UNC5D: variants seen among roughly 807,000 people sequenced by gnomAD.
UNC5D encodes the protein netrin receptor UNC5D.
In UNC5D, 39 loss-of-function variants were observed where a neutral mutation model predicts 105.4. The ratio of observed to expected loss-of-function variants is 0.37; its 90% confidence interval spans 0.29 to 0.48. The LOEUF (loss-of-function observed/expected upper bound fraction) is 0.48. UNC5D is among the 20% of genes least tolerant of loss of function. The pLI is 0.98. For missense variants in UNC5D, 991 were observed against 1,202.4 expected (o/e 0.82, Z 2.60); for synonymous variants, 452 against 450.4 (o/e 1.00, Z -0.04).
chr8:35,482,918 G>T (rs1046950403), intron 1 of UNC5D, among the ~76,000 whole-genome samples: 4 of 145,226 alleles, frequency 2.8e-5, no homozygotes, highest in African/African-American at 1.0e-4. Flanking sequence ...TTCTCCTGCC[G>T]TGGCCCCCCG....
intron 1 of UNC5D, among the ~76,000 whole-genome samples, chr8:35,418,982 C>T (rs1394646844): frequency 1.3e-5 from 2 of 152,162 alleles, no homozygotes; most frequent in East Asian, 3.9e-4. Context: ...CACTGGGACC[C>T]TGAGAATTTG....
At chr8:35,753,444 T>C (rs1830378954) in intron 13 of UNC5D, among the ~76,000 whole-genome samples, 1 of 152,048 alleles carries the variant, frequency 6.6e-6, no homozygotes, top group Non-Finnish European at 1.5e-5. Flanking sequence ...AATTTTTTTG[T>C]ATTTTTAGTA....
At chr8:35,262,340 G>C (rs905806131) in intron 1 of UNC5D, among the ~76,000 whole-genome samples, 2 of 152,132 alleles carry the variant, frequency 1.3e-5, no homozygotes, top group Non-Finnish European at 2.9e-5. Flanking sequence ...ATGGTCGGCC[G>C]AATAGATATT....
At chr8:35,345,138 C>A (rs1811715802) in intron 1 of UNC5D, among the ~76,000 whole-genome samples, 1 of 152,010 alleles carries the variant, frequency 6.6e-6, no homozygotes. Context: ...CCTAAAAATA[C>A]ACTTTTCTCC....
intron 3 of UNC5D, among the ~76,000 whole-genome samples, chr8:35,576,371 GATT>G (rs1456152740): frequency 6.6e-6 from 1 of 152,166 alleles, no homozygotes; most frequent in African/African-American, 2.4e-5. Flanking sequence ...ATTGGGACAG[GATT>G]ATTCTGTTTT....
chr8:35,706,783 G>A (rs1180538003), intron 8 of UNC5D, among the ~76,000 whole-genome samples: 1 of 152,140 alleles, frequency 6.6e-6, no homozygotes, highest in Non-Finnish European at 1.5e-5. Context: ...TCAGAGTGTG[G>A]CTGGAGCTTG....
chr8:35,631,348 G>T (rs1267721076), intron 4 of UNC5D, among the ~76,000 whole-genome samples: 2 of 151,768 alleles, frequency 1.3e-5, no homozygotes, highest in Non-Finnish European at 2.9e-5. Flanking sequence ...TGACTGCTTT[G>T]TTTTATAGAA....
Position 35,368,063 on chromosome 8 carries a change from G to C in UNC5D, c.103+132176G>C, listed in dbSNP as rs147929683. ...GGAAAGCGCATGGTGAAGCAAAACA[G>C]GTCAAATTATGTCCACTAAGTGACA... On this transcript the variant is annotated intron_variant, in intron 1 of 16. Transcript: ENST00000404895. Among the ~76,000 whole-genome samples, 935 of 152,226 alleles carry C rather than the reference G, an allele frequency of 6.1e-3. 4 individuals carry two copies. Among genetic ancestry groups the C allele is most frequent in the Non-Finnish European group, 7.8e-3 (527 of 67,998 alleles).
At chr8:35,744,984 C>T (rs1221597016) in intron 11 of UNC5D, among the ~76,000 whole-genome samples, 2 of 151,694 alleles carry the variant, frequency 1.3e-5, no homozygotes, top group African/African-American at 4.8e-5. Flanking sequence ...ACCTAGGAGA[C>T]GGAGGTTGCA....
intron 14 of UNC5D, among the ~76,000 whole-genome samples, chr8:35,763,450 T>A (rs948629481): frequency 6.6e-6 from 1 of 151,052 alleles, no homozygotes; most frequent in Admixed American, 6.6e-5. Context: ...CAGTGCCTTT[T>A]TTTTTTTTTT....
At chr8:35,597,675 T>C (rs1326223051) in intron 4 of UNC5D, among the ~76,000 whole-genome samples, 1 of 152,164 alleles carries the variant, frequency 6.6e-6, no homozygotes, top group Non-Finnish European at 1.5e-5. Flanking sequence ...CTGTAGGAAC[T>C]TCGCATACTC....
intron 4 of UNC5D, among the ~76,000 whole-genome samples, chr8:35,598,864 C>A (rs115817192): frequency 3.3e-5 from 5 of 151,988 alleles, no homozygotes; most frequent in African/African-American, 1.2e-4. Flanking sequence ...TGAAGTTGGC[C>A]GGGTGCAATG....
chr8:35,324,924 A>G (rs571269784), intron 1 of UNC5D, among the ~76,000 whole-genome samples: 2 of 152,240 alleles, frequency 1.3e-5, no homozygotes, highest in East Asian at 3.9e-4. Context: ...GCGTGAGGAG[A>G]GACTGGCAAC....
At chr8:35,251,662 G>T (rs1337588894) in intron 1 of UNC5D, among the ~76,000 whole-genome samples, 3 of 152,180 alleles carry the variant, frequency 2.0e-5, no homozygotes, top group Non-Finnish European at 2.9e-5. Context: ...GTTAGAGATT[G>T]TGCCATGTTT....
chr8:35,503,504 A>T (rs1812102310), intron 1 of UNC5D, among the ~76,000 whole-genome samples: 1 of 152,122 alleles, frequency 6.6e-6, no homozygotes, highest in African/African-American at 2.4e-5. Flanking sequence ...GAATTATGGG[A>T]GTTACAATTC....
At chr8:35,320,922 G>A (rs1809693460) in intron 1 of UNC5D, among the ~76,000 whole-genome samples, 1 of 152,156 alleles carries the variant, frequency 6.6e-6, no homozygotes, top group Non-Finnish European at 1.5e-5. Context: ...GTAAACCAAT[G>A]AGAATTCTTG....
intron 1 of UNC5D, among the ~76,000 whole-genome samples, chr8:35,443,683 A>G (rs1199954462): frequency 6.6e-6 from 1 of 151,946 alleles, no homozygotes. Context: ...ATTTTTTATT[A>G]TTATGGTTAA....
chr8:35,718,257 T>G (rs974630596), intron 8 of UNC5D, among the ~76,000 whole-genome samples: 1 of 152,162 alleles, frequency 6.6e-6, no homozygotes. Flanking sequence ...ATGTAAAGCT[T>G]CGTTTATGAA....
intron 1 of UNC5D, among the ~76,000 whole-genome samples, chr8:35,397,198 G>T (rs924086128): frequency 6.6e-6 from 1 of 152,114 alleles, no homozygotes; most frequent in Non-Finnish European, 1.5e-5. Flanking sequence ...GAGCCACCAC[G>T]CCCAGCCCAA....
Sources: gnomAD v4.1 joint callset for allele counts (sites outside exome capture counted in the v4.1 genomes callset) on GRCh38, gnomAD v4.1.1 for gene constraint, MANE v1.5 for transcripts, NCBI Gene and HGNC (gene_info 2026-07-23, HGNC 2026-07-21) for gene names.